Variants in SH3D19 observed in about 807,000 individuals in gnomAD.
SH3D19 encodes the protein SH3 domain-containing protein 19.
SH3D19 carries 58 observed loss-of-function variants against 112.1 expected under a neutral mutation model. That is an observed-to-expected ratio of 0.52 (90% CI 0.42 to 0.64). The LOEUF is 0.64. Ranked by LOEUF, SH3D19 falls within the 30% of genes least tolerant of loss-of-function variation. The pLI is 0.00. For synonymous variants in SH3D19, 391 were observed against 448.5 expected (o/e 0.87, Z 1.62); for missense variants, 1,090 against 1,263.4 (o/e 0.86, Z 2.08).
chr4:151,137,027 G>A (rs1401644455), intron 14 of SH3D19, among the ~76,000 whole-genome samples: 3 of 152,100 alleles, frequency 2.0e-5, no homozygotes, highest in Non-Finnish European at 2.9e-5. Context: ...ATCAGGGACC[G>A]AGTCATCCTA....
At chr4:151,134,540 C>A (rs1222388226) in intron 15 of SH3D19, among the ~76,000 whole-genome samples, 1 of 152,158 alleles carries the variant, frequency 6.6e-6, no homozygotes, top group East Asian at 1.9e-4. Flanking sequence ...TTTCTCATGA[C>A]AAAAATACTT....
intron 1 of SH3D19, chr4:151,282,071 G>A (rs995865398): frequency 6.8e-7 from 1 of 1,478,512 alleles, no homozygotes; most frequent in African/African-American, 1.4e-5. Flanking sequence ...CTTGAGTAGA[G>A]ACTTAGTGCT....
chr4:151,312,829 A>G (rs895268877), intron 1 of SH3D19, among the ~76,000 whole-genome samples: 6 of 151,584 alleles, frequency 4.0e-5, no homozygotes, highest in African/African-American at 9.7e-5. Context: ...TGAACCCGGG[A>G]GGCGAAGGTT....
chr4:151,225,475 C>T (rs1245105245), intron 2 of SH3D19, among the ~76,000 whole-genome samples: 1 of 152,150 alleles, frequency 6.6e-6, no homozygotes, highest in Non-Finnish European at 1.5e-5. Context: ...TTAAGTGATA[C>T]AACCTTCCTG....
At chr4:151,233,030 C>A (rs948375018) in intron 1 of SH3D19, among the ~76,000 whole-genome samples, 3 of 152,110 alleles carry the variant, frequency 2.0e-5, no homozygotes, top group Non-Finnish European at 4.4e-5. Context: ...TGCCTACTGT[C>A]AGATAAGCAT....
intron 7 of SH3D19, among the ~76,000 whole-genome samples, chr4:151,166,772 T>C (rs552300173): frequency 6.6e-6 from 1 of 152,212 alleles, no homozygotes; most frequent in Non-Finnish European, 1.5e-5. Context: ...TAAGCACCTT[T>C]TGCTGAGCAG....
intron 1 of SH3D19, among the ~76,000 whole-genome samples, chr4:151,270,144 C>G (rs2149996765): frequency 6.6e-6 from 1 of 151,850 alleles, no homozygotes; most frequent in African/African-American, 2.4e-5. Context: ...AAGTAACATA[C>G]TCATTTATTA....
chr4:151,305,750 T>TCTGGAAACAAACA (rs1283907461), intron 1 of SH3D19, among the ~76,000 whole-genome samples: 1 of 152,246 alleles, frequency 6.6e-6, no homozygotes, highest in Non-Finnish European at 1.5e-5. Context: ...GGATAGCCAC[T>TCTGGAAACAAACA]CTGGAAAACA....
intron 1 of SH3D19, among the ~76,000 whole-genome samples, chr4:151,295,207 G>A (rs1290661363): frequency 6.6e-6 from 1 of 152,230 alleles, no homozygotes; most frequent in Non-Finnish European, 1.5e-5. Context: ...AATGATGAAA[G>A]AACAGAAGAG....
chr4:151,156,877 C>A (rs1756219422), intron 9 of SH3D19, among the ~76,000 whole-genome samples: 1 of 152,150 alleles, frequency 6.6e-6, no homozygotes, highest in South Asian at 2.1e-4. Flanking sequence ...AAAAGACAAC[C>A]TACAGAATGG....
chr4:151,215,487 A>G (rs529207611), intron 2 of SH3D19, among the ~76,000 whole-genome samples: 3 of 152,342 alleles, frequency 2.0e-5, no homozygotes, highest in Non-Finnish European at 4.4e-5. Flanking sequence ...CAAACAATCC[A>G]TACTTTCCTT....
chr4:151,284,896 T>A (rs1158802649), intron 1 of SH3D19, among the ~76,000 whole-genome samples: 1 of 152,172 alleles, frequency 6.6e-6, no homozygotes, highest in Non-Finnish European at 1.5e-5. Context: ...TATTCAGAAA[T>A]TTGAGCAGAG....
Position 151,175,296 on chromosome 4 carries a change from T to C in SH3D19, c.908A>G (p.Gln303Arg). The C allele has an allele frequency of 6.2e-7, 1 of 1,614,190 alleles. No homozygotes were observed. The highest frequency in any genetic ancestry group is 8.5e-7 in the Non-Finnish European group (1 of 1,180,026). The change falls in exon 7 of 20, where the codon CAG becomes CGG. Residue 303 changes from glutamine (Q) to arginine (R), a missense_variant. Coordinates refer to ENST00000604030, the MANE Select transcript of SH3D19 (RefSeq NM_001378122.1). ...IVSRIKVFEG[Q>R]TNIETSGLPK... ...CAGTCCTGAGGTTTCTATGTTTGTC[T>C]GACCCTCAAACACTTTAATTCTGGA...
At chr4:151,148,326 G>T in intron 10 of SH3D19, 140 bp from the exon 11 acceptor site, 1 of 886,466 alleles carries the variant, frequency 1.1e-6, no homozygotes, top group Non-Finnish European at 1.6e-6. Flanking sequence ...ACAGTTTACT[G>T]AAACATGCAG....
At chr4:151,186,743 A>G (rs553983198) in intron 3 of SH3D19, among the ~76,000 whole-genome samples, 3 of 151,292 alleles carry the variant, frequency 2.0e-5, no homozygotes, top group African/African-American at 7.3e-5. Context: ...GCCAGGACTT[A>G]ATATTTCTTA....
intron 2 of SH3D19, among the ~76,000 whole-genome samples, chr4:151,212,056 A>G (rs1381243674): frequency 6.6e-6 from 1 of 152,256 alleles, no homozygotes; most frequent in African/African-American, 2.4e-5. Context: ...AGAAAAGTCA[A>G]TGTCTGGCTT....
At chr4:151,185,040 GT>G (rs66567240) in intron 3 of SH3D19, among the ~76,000 whole-genome samples, 2,659 of 66,328 alleles carry the variant, frequency 0.04, 93 homozygotes, top group African/African-American at 0.12. Context: ...GCTGTGTCCT[GT>G]TTTTTTTTTT....
At chr4:151,240,947 G>T (rs940956494) in intron 1 of SH3D19, among the ~76,000 whole-genome samples, 2 of 151,852 alleles carry the variant, frequency 1.3e-5, no homozygotes, top group Admixed American at 1.3e-4. Flanking sequence ...ATGTAATTTA[G>T]CAAGAAAAAG....
At chr4:151,298,487 G>A (rs1775856337) in intron 1 of SH3D19, among the ~76,000 whole-genome samples, 1 of 152,006 alleles carries the variant, frequency 6.6e-6, no homozygotes, top group African/African-American at 2.4e-5. Context: ...AATTCACGTT[G>A]TTTTAAGCCA....
Sources: gnomAD v4.1 joint callset for allele counts (sites outside exome capture counted in the v4.1 genomes callset) on GRCh38, gnomAD v4.1.1 for gene constraint, MANE v1.5 for transcripts, NCBI Gene and HGNC (gene_info 2026-07-23, HGNC 2026-07-21) for gene names.